The following ARHGAP6 variants were observed in gnomAD, a reference collection of about 807,000 sequenced individuals.
ARHGAP6 encodes the protein Rho GTPase activating protein 6, also known as rho GTPase-activating protein 6.
Under a neutral mutation model 55.7 loss-of-function variants are expected in ARHGAP6, and 16 were observed. The observed-to-expected ratio is 0.29, with a 90% CI of 0.19 to 0.44. The LOEUF (loss-of-function observed/expected upper bound fraction) is 0.44. Ranked by LOEUF, ARHGAP6 falls within the 20% of genes least tolerant of loss-of-function variation. The pLI, the probability that ARHGAP6 is intolerant of heterozygous loss-of-function variation, is 1.00. For missense variants in ARHGAP6, 698 were observed against 808.9 expected (o/e 0.86, Z 1.66); for synonymous variants, 382 against 360.9 (o/e 1.06, Z -0.66).
rs779917690 is a variant in ARHGAP6 at position 11,144,126 on chromosome X, G to A, written c.2030C>T (p.Ser677Phe). The A allele has an allele frequency of 2.5e-6, 3 of 1,210,166 alleles. No individual in the cohort carries two copies. The highest frequency in any genetic ancestry group is 3.5e-5 in the African/African-American group (2 of 57,303). ...SPYDNNSPVL[S>F]ERSLLAMQED... ...TTGCATAGCCAGCAGGGAGCGCTCA[G>A]ACAGCACTGGGGAGTTGTTGTCATA... The change falls in exon 11 of 13, where the codon TCT becomes TTT. Residue 677 changes from serine (S) to phenylalanine (F), a missense_variant. This residue lies in a region of ARHGAP6 where 322 missense variants were observed against 451.1 expected (regional missense o/e 0.71). Coordinates refer to ENST00000337414, the MANE Select transcript of ARHGAP6 (RefSeq NM_013427.3).
rs973744187 is a variant in ARHGAP6, at chrX:11,138,781, G to C, written c.*82C>G. The stretch of plus-strand genomic sequence containing the variant: ...GAAGTGTGAAAGAAGAACACTAAGT[G>C]TGCCAGTGGCCACCACCCACGGTCC... On this transcript the variant is annotated 3_prime_UTR_variant, in exon 13 of 13. Coordinates refer to ENST00000337414, the MANE Select transcript of ARHGAP6 (RefSeq NM_013427.3). 5.1e-6 allele frequency: 5 copies of C among 990,069 alleles called. No individual in the cohort carries two copies. In the African/African-American group the frequency reaches 9.7e-5, roughly 19 times the overall value. The allele number at this position is 990,069 out of a possible 1,213,427, so 81.6% of individuals were successfully genotyped here.
intron 1 of ARHGAP6, among the ~76,000 whole-genome samples, chrX:11,476,249 A>G (rs2050402623): frequency 9.0e-6 from 1 of 111,714 alleles, no homozygotes; most frequent in African/African-American, 3.2e-5. Flanking sequence ...TCTATTTGTA[A>G]TCAATGAAGG....
At chrX:11,311,537 C>T (rs1053941100) in intron 1 of ARHGAP6, among the ~76,000 whole-genome samples, 1 of 111,872 alleles carries the variant, frequency 8.9e-6, no homozygotes, top group Non-Finnish European at 1.9e-5. Context: ...TCTGGAGTCA[C>T]ATTTTTGGCC....
At chrX:11,340,652 C>T (rs1172230702) in intron 1 of ARHGAP6, among the ~76,000 whole-genome samples, 1 of 107,533 alleles carries the variant, frequency 9.3e-6, no homozygotes, top group African/African-American at 3.5e-5. Context: ...TGGCGTGAAC[C>T]CGGGAAGCGG....
intron 1 of ARHGAP6, chrX:11,290,417 C>T (rs777028681): frequency 4.8e-5 from 18 of 374,946 alleles, no homozygotes; most frequent in African/African-American, 1.4e-4. Flanking sequence ...GTCAAAGTTA[C>T]GATGTGTATC....
chrX:11,473,715 T>C (rs1445193202), intron 1 of ARHGAP6, among the ~76,000 whole-genome samples: 1 of 111,903 alleles, frequency 8.9e-6, no homozygotes, highest in Non-Finnish European at 1.9e-5. Flanking sequence ...AATACATTTC[T>C]CTTGTTTTAA....
At chrX:11,646,826 T>C (rs1328179721) in intron 1 of ARHGAP6, among the ~76,000 whole-genome samples, 1 of 112,432 alleles carries the variant, frequency 8.9e-6, no homozygotes, top group South Asian at 3.7e-4. Context: ...TTGACAAACA[T>C]GAATATCTGA....
intron 1 of ARHGAP6, among the ~76,000 whole-genome samples, chrX:11,274,495 C>A (rs2147520348): frequency 9.0e-6 from 1 of 111,724 alleles, no homozygotes; most frequent in Admixed American, 9.5e-5. Flanking sequence ...AGTTTGCCGA[C>A]CCCAGATCTG....
At chrX:11,183,235 A>C (rs2046343747) in intron 5 of ARHGAP6, among the ~76,000 whole-genome samples, 1 of 111,646 alleles carries the variant, frequency 9.0e-6, no homozygotes, top group Non-Finnish European at 1.9e-5. Context: ...GAGATATAAA[A>C]AAGATGCAAA....
Position 11,615,788 on chromosome X carries a change from A to G in ARHGAP6, c.588+48453T>C, listed in dbSNP as rs768637562. 2.7e-5 allele frequency among the ~76,000 whole-genome samples: 3 copies of G among 112,464 alleles called. No homozygotes were observed. In the Admixed American group the frequency reaches 2.8e-4, roughly 11 times the overall value. Reference sequence around the variant, plus strand: ...TTGTCTTACAGAGTATCTACAGTTTACAGAGCTGTTTTATCTACACTGTCT... The same window carrying G: ...TTGTCTTACAGAGTATCTACAGTTTGCAGAGCTGTTTTATCTACACTGTCT... On this transcript the variant is annotated intron_variant, in intron 1 of 12. Transcript: ENST00000337414.
At chrX:11,470,669 G>T (rs1380079906) in intron 1 of ARHGAP6, among the ~76,000 whole-genome samples, 1 of 112,264 alleles carries the variant, frequency 8.9e-6, no homozygotes, top group Non-Finnish European at 1.9e-5. Flanking sequence ...GATTTAGCTT[G>T]GTCGTGCAGG....
At chrX:11,156,504 G>C (rs200118571) in intron 10 of ARHGAP6, 25 bp downstream of exon 10, 1 of 1,149,462 alleles carries the variant, frequency 8.7e-7, no homozygotes, top group African/African-American at 1.8e-5. Flanking sequence ...TGCGGCTTTA[G>C]AAGATGGAAC....
At chrX:11,515,277 A>G (rs1161138368) in intron 1 of ARHGAP6, among the ~76,000 whole-genome samples, 1 of 112,506 alleles carries the variant, frequency 8.9e-6, no homozygotes, top group Non-Finnish European at 1.9e-5. Flanking sequence ...GTAAAAGTAT[A>G]TAAGTCACTA....
intron 1 of ARHGAP6, among the ~76,000 whole-genome samples, chrX:11,566,445 C>T (rs1309119645): frequency 4.5e-5 from 5 of 112,081 alleles, no homozygotes; most frequent in Admixed American, 9.5e-5. Flanking sequence ...CTCTGCTTCC[C>T]TTGGAGATTA....
chrX:11,662,019 C>T (rs1484507634), intron 1 of ARHGAP6, among the ~76,000 whole-genome samples: 1 of 112,085 alleles, frequency 8.9e-6, no homozygotes, highest in Non-Finnish European at 1.9e-5. Context: ...AGTGCCAAGG[C>T]TGAGAAACCC....
At chrX:11,204,373 G>T (rs2046674672) in intron 2 of ARHGAP6, among the ~76,000 whole-genome samples, 1 of 111,775 alleles carries the variant, frequency 8.9e-6, no homozygotes, top group Non-Finnish European at 1.9e-5. Context: ...GCCTGACTTT[G>T]AGCACCTCCC....
chrX:11,217,186 G>T (rs369139721), intron 2 of ARHGAP6, among the ~76,000 whole-genome samples: 1 of 112,182 alleles, frequency 8.9e-6, no homozygotes, highest in Non-Finnish European at 1.9e-5. Context: ...ATGTGTGCAT[G>T]TGTCTTTATA....
At chrX:11,143,788 G>A (rs948959591) in intron 11 of ARHGAP6, 192 bp downstream of exon 11, 7 of 1,144,648 alleles carry the variant, frequency 6.1e-6, no homozygotes, top group Non-Finnish European at 8.1e-6. Context: ...CCCAGCCAAC[G>A]ACTGGGCTCG....
chrX:11,442,761 G>C (rs1446713245), intron 1 of ARHGAP6, among the ~76,000 whole-genome samples: 3 of 111,475 alleles, frequency 2.7e-5, no homozygotes, highest in Non-Finnish European at 5.6e-5. Context: ...ACACTGTCAG[G>C]GTAGACGTAG....
Sources: allele counts gnomAD v4.1 joint callset (sites outside exome capture counted in the v4.1 genomes callset), GRCh38; gene constraint gnomAD v4.1.1; regional missense constraint gnomAD v4.1.1; transcripts MANE v1.5; gene names NCBI Gene and HGNC (gene_info 2026-07-23, HGNC 2026-07-21).